Variants in SRPK2 observed in about 807,000 individuals in gnomAD.
SRPK2 encodes SFRS protein kinase 2.
In SRPK2, 21 loss-of-function variants were observed where a neutral mutation model predicts 90.8. That is an observed-to-expected ratio of 0.23 (90% CI 0.16 to 0.33). The LOEUF (loss-of-function observed/expected upper bound fraction) is 0.33, where lower values mean the gene tolerates loss of function less well. SRPK2 is among the 10% of genes least tolerant of loss of function. The pLI, the probability that SRPK2 is intolerant of heterozygous loss-of-function variation, is 1.00. For synonymous variants in SRPK2, 288 were observed against 311.1 expected (o/e 0.93, Z 0.78); for missense variants, 620 against 869.0 (o/e 0.71, Z 3.60).
chr7:105,207,566 A>G (rs982237276), intron 2 of SRPK2, among the ~76,000 whole-genome samples: 3 of 152,232 alleles, frequency 2.0e-5, no homozygotes, highest in Non-Finnish European at 4.4e-5. Context: ...ACAATACCAA[A>G]ATAATTAAAT....
chr7:105,151,673 A>G (rs1051124159), intron 7 of SRPK2, among the ~76,000 whole-genome samples: 1 of 152,082 alleles, frequency 6.6e-6, no homozygotes, highest in Non-Finnish European at 1.5e-5. Context: ...CAGCCTCCCA[A>G]GTGGCTGGGA....
At chr7:105,229,765 C>G (rs1282092275) in intron 2 of SRPK2, among the ~76,000 whole-genome samples, 2 of 140,380 alleles carry the variant, frequency 1.4e-5, no homozygotes, top group African/African-American at 5.5e-5. Context: ...AATATTCTTT[C>G]AAGTAAGAAC....
chr7:105,191,854 A>G (rs1349169579), intron 3 of SRPK2, among the ~76,000 whole-genome samples: 2 of 144,552 alleles, frequency 1.4e-5, no homozygotes, highest in Admixed American at 1.4e-4. Context: ...GGTTCTTTTT[A>G]TCCTTTTGTA....
At chr7:105,338,624 G>C (rs897191713) in intron 2 of SRPK2, among the ~76,000 whole-genome samples, 1 of 152,178 alleles carries the variant, frequency 6.6e-6, no homozygotes, top group African/African-American at 2.4e-5. Context: ...TTAAAGGCTA[G>C]TATTCTGTTG....
chr7:105,370,028 A>AAACAACAACAACAAC (rs10694399), intron 2 of SRPK2, among the ~76,000 whole-genome samples: 186 of 150,258 alleles, frequency 1.2e-3, no homozygotes, highest in African/African-American at 8.6e-4. Flanking sequence ...ACTCCATCTC[A>AAACAACAACAACAAC]AACAACAACA....
intron 15 of SRPK2, among the ~76,000 whole-genome samples, chr7:105,120,751 G>A (rs1800224525): frequency 6.6e-6 from 1 of 152,044 alleles, no homozygotes; most frequent in Non-Finnish European, 1.5e-5. Flanking sequence ...GATTATGTGT[G>A]CAAACCCTTA....
chr7:105,389,474 C>G (rs1483195559), upstream of SRPK2: 1 of 1,108,962 alleles, frequency 9.0e-7, no homozygotes, highest in African/African-American at 1.7e-5. Context: ...AAGTCATTTT[C>G]TCTCCCACCT....
At chr7:105,223,068 C>T (rs916346490) in intron 2 of SRPK2, among the ~76,000 whole-genome samples, 5 of 152,210 alleles carry the variant, frequency 3.3e-5, no homozygotes, top group Admixed American at 3.3e-4. Flanking sequence ...AGTGGCCCAG[C>T]TGACCACTGA....
chr7:105,146,568 C>T lies in SRPK2; in HGVS notation c.712G>A (p.Ala238Thr). Residue 238 changes from alanine (A) to threonine (T), a missense_variant, in exon 8 of 16, where the codon GCA becomes ACA. By Grantham distance (58) the Ala-to-Thr change is moderately conservative. Transcript: ENST00000393651. ...TCAGCTGCCATTCTTCTCACATATGCATCATCCACACACATCAAGATATTT... is the reference window on the plus strand; with the variant it reads ...TCAGCTGCCATTCTTCTCACATATGTATCATCCACACACATCAAGATATTT... Reference protein sequence around the residue: ...PENILMCVDDAYVRRMAAEAT... With the variant: ...PENILMCVDDTYVRRMAAEAT... 2 of 1,614,184 alleles carry T rather than the reference C, an allele frequency of 1.2e-6. No individual in the cohort carries two copies. Among genetic ancestry groups the T allele is most frequent in the Non-Finnish European group, 1.7e-6 (2 of 1,180,034 alleles).
At chr7:105,382,136 C>T (rs1164603673) in intron 2 of SRPK2, among the ~76,000 whole-genome samples, 3 of 149,954 alleles carry the variant, frequency 2.0e-5, no homozygotes, top group African/African-American at 7.4e-5. Flanking sequence ...CCAGTGCACT[C>T]CAGCCTGGGC....
intron 2 of SRPK2, among the ~76,000 whole-genome samples, chr7:105,317,905 C>G (rs577086498): frequency 1.3e-5 from 2 of 152,004 alleles, no homozygotes; most frequent in South Asian, 2.1e-4. Context: ...TGCACCACCA[C>G]TCCTGGCTAA....
At chr7:105,290,831 G>A (rs1446103859) in intron 2 of SRPK2, among the ~76,000 whole-genome samples, 1 of 150,160 alleles carries the variant, frequency 6.7e-6, no homozygotes, top group African/African-American at 2.4e-5. Context: ...GAGGTCAGAA[G>A]ATCGAGACCA....
intron 2 of SRPK2, among the ~76,000 whole-genome samples, chr7:105,291,957 A>ATTT (rs1809086567): frequency 6.6e-6 from 1 of 152,340 alleles, no homozygotes; most frequent in Admixed American, 6.5e-5. Flanking sequence ...TATTTTAAAC[A>ATTT]GAAGAATAAC....
intron 2 of SRPK2, among the ~76,000 whole-genome samples, chr7:105,241,044 G>A (rs2129623788): frequency 6.6e-6 from 1 of 152,264 alleles, no homozygotes; most frequent in East Asian, 1.9e-4. Context: ...TGAAAGCACA[G>A]AAATGGTGTC....
chr7:105,247,512 A>AG (rs1373034299), intron 2 of SRPK2, among the ~76,000 whole-genome samples: 27 of 131,894 alleles, frequency 2.0e-4, no homozygotes, highest in Middle Eastern at 3.8e-3. Context: ...ATACATACCA[A>AG]AAAACACACA....
chr7:105,252,202 C>CT (rs1303938820), intron 2 of SRPK2, among the ~76,000 whole-genome samples: 1 of 152,030 alleles, frequency 6.6e-6, no homozygotes, highest in Non-Finnish European at 1.5e-5. Flanking sequence ...GGACAAATAA[C>CT]TGAGTGCAGT....
At chr7:105,178,258 C>A (rs1234858382) in intron 3 of SRPK2, among the ~76,000 whole-genome samples, 1 of 152,028 alleles carries the variant, frequency 6.6e-6, no homozygotes, top group African/African-American at 2.4e-5. Flanking sequence ...AGACTAAGGA[C>A]GTTTTTAAAA....
intron 2 of SRPK2, among the ~76,000 whole-genome samples, chr7:105,383,604 G>C (rs1219495708): frequency 2.6e-5 from 4 of 151,136 alleles, no homozygotes; most frequent in Non-Finnish European, 5.9e-5. Flanking sequence ...ATTTTTAGTA[G>C]AGACGGGGTT....
At chr7:105,337,812 A>G (rs1390627979) in intron 2 of SRPK2, among the ~76,000 whole-genome samples, 1 of 152,132 alleles carries the variant, frequency 6.6e-6, no homozygotes, top group Non-Finnish European at 1.5e-5. Flanking sequence ...TAAGCCACCC[A>G]GTCTATGGTA....
Sources: gnomAD v4.1 joint callset for allele counts (sites outside exome capture counted in the v4.1 genomes callset) on GRCh38, gnomAD v4.1.1 for gene constraint, MANE v1.5 for transcripts, NCBI Gene and HGNC (gene_info 2026-07-23, HGNC 2026-07-21) for gene names.